Variants in ATP2B2 observed in about 807,000 individuals in gnomAD.
ATP2B2 encodes plasma membrane calcium-transporting ATPase 2.
ATP2B2 carries 15 observed loss-of-function variants against 120.0 expected under a neutral mutation model. That is an observed-to-expected ratio of 0.12 (90% CI 0.08 to 0.19). ATP2B2 has a LOEUF of 0.19. Ranked by LOEUF, ATP2B2 falls within the 10% of genes least tolerant of loss-of-function variation. The pLI is 1.00. For missense variants in ATP2B2, 1,045 were observed against 1,719.8 expected (o/e 0.61, Z 6.94); for synonymous variants, 694 against 700.3 (o/e 0.99, Z 0.14).
intron 12 of ATP2B2, among the ~76,000 whole-genome samples, chr3:10,362,468 T>C (rs1377273869): frequency 6.6e-6 from 1 of 152,248 alleles, no homozygotes; most frequent in Non-Finnish European, 1.5e-5. Flanking sequence ...AAAAGAGCCT[T>C]TGAACCTAAA....
At chr3:10,473,922 A>G (rs2065108231) in intron 1 of ATP2B2, among the ~76,000 whole-genome samples, 1 of 152,266 alleles carries the variant, frequency 6.6e-6, no homozygotes, top group African/African-American at 2.4e-5. Context: ...TATTCCAGGT[A>G]GTGAGAGATG....
chr3:10,611,714 C>T lies in ATP2B2; in HGVS notation c.-415+8203G>A, dbSNP rs184164772. Reference sequence around the variant, plus strand: ...ATTTCTGCCCGTCTCCTCGCCCTACCGAACTTTGCCTATAGACATCCTTTC... The same window carrying T: ...ATTTCTGCCCGTCTCCTCGCCCTACTGAACTTTGCCTATAGACATCCTTTC... On this transcript the variant is annotated intron_variant, in intron 2 of 21. Transcript: ENST00000646379. Among the ~76,000 whole-genome samples the T allele has an allele frequency of 2.7e-3, 411 of 152,272 alleles. 2 individuals carry two copies. Among genetic ancestry groups the T allele is most frequent in the African/African-American group, 9.4e-3 (392 of 41,562 alleles).
chr3:10,542,733 A>G (rs2067466502), intron 2 of ATP2B2, among the ~76,000 whole-genome samples: 1 of 152,192 alleles, frequency 6.6e-6, no homozygotes, highest in Non-Finnish European at 1.5e-5. Flanking sequence ...CCCATAGGTG[A>G]GATGTTCTTT....
intron 2 of ATP2B2, among the ~76,000 whole-genome samples, chr3:10,551,920 A>G (rs1209681866): frequency 6.6e-6 from 1 of 152,234 alleles, no homozygotes. Context: ...GCCCTCAGCA[A>G]ATGGAAGTTG....
At chr3:10,476,318 C>G (rs1217815141) in intron 1 of ATP2B2, among the ~76,000 whole-genome samples, 3 of 152,150 alleles carry the variant, frequency 2.0e-5, no homozygotes, top group African/African-American at 7.2e-5. Context: ...GCCTTTGGCT[C>G]TCACTAGCTT....
intron 5 of ATP2B2, among the ~76,000 whole-genome samples, chr3:10,398,969 C>T (rs1301976358): frequency 2.0e-5 from 3 of 152,188 alleles, no homozygotes; most frequent in Non-Finnish European, 4.4e-5. Flanking sequence ...CTCTGCCCGT[C>T]GTATCTTTTC....
intron 3 of ATP2B2, among the ~76,000 whole-genome samples, chr3:10,528,294 C>G (rs981251601): frequency 2.6e-5 from 4 of 152,102 alleles, no homozygotes; most frequent in African/African-American, 9.7e-5. Context: ...TCCACTGAAA[C>G]AAGTCACGTG....
At chr3:10,344,434 C>G (rs146518603) in intron 18 of ATP2B2, among the ~76,000 whole-genome samples, 198 of 152,350 alleles carry the variant, frequency 1.3e-3, no homozygotes, top group Middle Eastern at 3.4e-3. Context: ...GTAGCCGGAG[C>G]TGCCACCTAT....
At chr3:10,630,341 A>G (rs554742231) in intron 1 of ATP2B2, among the ~76,000 whole-genome samples, 3 of 151,888 alleles carry the variant, frequency 2.0e-5, no homozygotes, top group African/African-American at 7.3e-5. Context: ...AAGAGGTCCC[A>G]GTGTCTGTTG....
chr3:10,329,190 C>G lies in ATP2B2; in HGVS notation c.3421-65G>C. The G allele has an allele frequency of 7.5e-7, 1 of 1,342,184 alleles. No homozygotes were observed. Among genetic ancestry groups the G allele is most frequent in the Non-Finnish European group, 1.0e-6 (1 of 968,734 alleles). The allele number at this position is 1,342,184 out of a possible 1,614,324, so 83.1% of individuals were successfully genotyped here. A position where few individuals can be genotyped will look rare whatever the true frequency, so the allele number is the denominator to read the frequency against. On this transcript the variant is annotated intron_variant, in intron 22 of 22. Coordinates refer to ENST00000360273, the MANE Select transcript of ATP2B2 (RefSeq NM_001001331.4). The surrounding 1 kb of genome is among the most constrained non-coding windows in gnomAD (Gnocchi z 5.9). The stretch of plus-strand genomic sequence containing the variant: ...ACCACAGCCAGGCTCGGGGGGCTCA[C>G]AGGAGGGGCGGGTGGGAGAAGGGTT...
intron 2 of ATP2B2, among the ~76,000 whole-genome samples, chr3:10,568,779 TTC>T (rs1157811209): frequency 1.3e-5 from 2 of 152,220 alleles, no homozygotes; most frequent in African/African-American, 2.4e-5. Context: ...AGCCGTGTCT[TTC>T]TGTTTGCCTG....
At chr3:10,585,493 G>GAAAAAAACAAAA (rs2068487806) in intron 2 of ATP2B2, among the ~76,000 whole-genome samples, 1 of 28,506 alleles carries the variant, frequency 3.5e-5, no homozygotes, top group Non-Finnish European at 5.7e-5. Flanking sequence ...GACTCCGTCT[G>GAAAAAAACAAAA]AAAAAAAAAA....
intron 4 of ATP2B2, 113 bp downstream of exon 4, chr3:10,401,978 A>G: frequency 6.4e-7 from 1 of 1,550,874 alleles, no homozygotes; most frequent in Non-Finnish European, 8.8e-7. Flanking sequence ...GTTTGGGATC[A>G]GCCTTCAGGA....
At chr3:10,371,672 G>A in intron 12 of ATP2B2, 137 bp downstream of exon 12, 6 of 1,309,830 alleles carry the variant, frequency 4.6e-6, no homozygotes, top group Non-Finnish European at 6.4e-6. Context: ...ACAGAAACAT[G>A]TTGCTTACTA....
intron 2 of ATP2B2, among the ~76,000 whole-genome samples, chr3:10,411,548 G>A (rs1259935516): frequency 6.6e-6 from 1 of 152,234 alleles, no homozygotes; most frequent in African/African-American, 2.4e-5. Flanking sequence ...TAAAATCCCA[G>A]CGTGATGGCC....
At chr3:10,602,993 C>T (rs1439547021) in intron 2 of ATP2B2, among the ~76,000 whole-genome samples, 1 of 152,214 alleles carries the variant, frequency 6.6e-6, no homozygotes, top group African/African-American at 2.4e-5. Flanking sequence ...CTCCCACATC[C>T]CCTCTGTTCT....
intron 2 of ATP2B2, among the ~76,000 whole-genome samples, chr3:10,594,990 C>T (rs1445370738): frequency 6.6e-6 from 1 of 152,232 alleles, no homozygotes; most frequent in Non-Finnish European, 1.5e-5. Context: ...GCAGCAACCA[C>T]CATCAATTCG....
At chr3:10,407,039 A>G (rs2062437001) in intron 3 of ATP2B2, among the ~76,000 whole-genome samples, 1 of 152,158 alleles carries the variant, frequency 6.6e-6, no homozygotes, top group Admixed American at 6.5e-5. Flanking sequence ...CCCTGGAAGG[A>G]GTCCAGTTGC....
intron 22 of ATP2B2, among the ~76,000 whole-genome samples, chr3:10,331,348 G>A (rs1220929633): frequency 2.0e-5 from 3 of 152,214 alleles, no homozygotes; most frequent in East Asian, 3.8e-4. Flanking sequence ...ATAGCATCAA[G>A]GCTGTAGCTG....
Sources: gnomAD v4.1 joint callset for allele counts (sites outside exome capture counted in the v4.1 genomes callset) on GRCh38, gnomAD v4.1.1 for gene constraint, Gnocchi (gnomAD v3.1) non-coding constraint, MANE v1.5 for transcripts, NCBI Gene and HGNC (gene_info 2026-07-23, HGNC 2026-07-21) for gene names.